Variants in ATP8B4 observed in about 807,000 individuals in gnomAD.
ATP8B4 encodes ATPase phospholipid transporting 8B4 (putative).
ATP8B4 carries 133 observed loss-of-function variants against 145.6 expected under a neutral mutation model. The observed-to-expected ratio is 0.91, with a 90% CI of 0.79 to 1.05. ATP8B4 has a LOEUF of 1.05. Among genes scored for constraint, ATP8B4 ranks in the 50% least tolerant of loss-of-function variants. The probability of loss-of-function intolerance (pLI) is 0.00; values close to 1 mark genes in which losing one functional copy is unlikely to be tolerated. For missense variants in ATP8B4, 1,458 were observed against 1,425.2 expected, an observed-to-expected ratio of 1.02 and a Z score of -0.37; for synonymous variants, 507 against 492.9, an observed-to-expected ratio of 1.03 and a Z score of -0.38.
intron 2 of ATP8B4, among the ~76,000 whole-genome samples, chr15:50,101,196 G>C (rs1273202052): frequency 6.6e-6 from 1 of 152,084 alleles, no homozygotes. Flanking sequence ...GTGAAAAATG[G>C]GATATATGCC....
At chr15:50,045,336 A>G (rs982409603) in intron 4 of ATP8B4, among the ~76,000 whole-genome samples, 10 of 152,200 alleles carry the variant, frequency 6.6e-5, no homozygotes, top group Admixed American at 1.3e-4. Context: ...GGCCAAGATC[A>G]CATACTGTTA....
chr15:49,876,691 A>C, intron 24 of ATP8B4, 168 bp from the exon 25 acceptor site: 1 of 965,104 alleles, frequency 1.0e-6, no homozygotes, highest in South Asian at 1.4e-5. Context: ...AATAAACCAG[A>C]AGATAATAAA....
intron 1 of ATP8B4, among the ~76,000 whole-genome samples, chr15:50,164,584 G>A (rs2044568408): frequency 6.6e-6 from 1 of 152,162 alleles, no homozygotes; most frequent in Admixed American, 6.5e-5. Flanking sequence ...GATGAAGCAA[G>A]TACTCCCTTG....
rs201900434 is a variant in ATP8B4 at position 49,862,254 on chromosome 15, C to T, written c.3288G>A (p.Leu1096=). ...RFLKVDLYPT[L]SDQIRRWQKA... ...CAGCACTGTGACATACCTGATCACTCAGGGTTGGGTATAAATCCACCTTCA... is the reference window on the plus strand; with the variant it reads ...CAGCACTGTGACATACCTGATCACTTAGGGTTGGGTATAAATCCACCTTCA... The change falls in exon 27 of 28, where the codon CTG becomes CTA. Residue 1096 remains leucine, a synonymous_variant. Coordinates refer to ENST00000284509, the MANE Select transcript of ATP8B4 (RefSeq NM_024837.4). The T allele has an allele frequency of 1.2e-5, 19 of 1,613,330 alleles. No homozygotes were observed. The highest frequency in any genetic ancestry group is 1.6e-5 in the Non-Finnish European group (19 of 1,179,512).
At chr15:50,140,349 G>A (rs8029368) in intron 1 of ATP8B4, among the ~76,000 whole-genome samples, 150,457 of 152,286 alleles carry the variant, frequency 0.99, 74,347 homozygotes, top group East Asian at 1. Context: ...TGACTCTTCC[G>A]AGACTGGCCT....
intron 13 of ATP8B4, among the ~76,000 whole-genome samples, chr15:49,966,971 G>T (rs2044609005): frequency 6.6e-6 from 1 of 152,040 alleles, no homozygotes; most frequent in South Asian, 2.1e-4. Flanking sequence ...TGATACTCAG[G>T]CAAACAGGGT....
intron 16 of ATP8B4, among the ~76,000 whole-genome samples, chr15:49,924,926 G>C (rs560532622): frequency 1.3e-5 from 2 of 152,240 alleles, no homozygotes; most frequent in South Asian, 4.1e-4. Context: ...TAATCCAATT[G>C]AATAATTTCC....
At chr15:49,936,864 G>C (rs1427282198) in intron 14 of ATP8B4, among the ~76,000 whole-genome samples, 1 of 151,338 alleles carries the variant, frequency 6.6e-6, no homozygotes, top group African/African-American at 2.4e-5. Context: ...CTACTTTCTG[G>C]GAGAGTCTCT....
intron 1 of ATP8B4, among the ~76,000 whole-genome samples, chr15:50,167,386 G>A (rs2044610985): frequency 1.3e-5 from 2 of 152,054 alleles, no homozygotes; most frequent in Non-Finnish European, 2.9e-5. Context: ...TTTAGTGCCT[G>A]CTAGCAACTT....
chr15:49,861,312 A>T (rs962349654), intron 27 of ATP8B4, among the ~76,000 whole-genome samples: 15 of 152,036 alleles, frequency 9.9e-5, no homozygotes, highest in Admixed American at 9.8e-4. Context: ...AAGAGAGAGG[A>T]CAGATATGAC....
At chr15:49,889,624 AC>A (rs1170007236) in intron 23 of ATP8B4, among the ~76,000 whole-genome samples, 3 of 152,184 alleles carry the variant, frequency 2.0e-5, no homozygotes, top group African/African-American at 7.2e-5. Context: ...AGCCTTGCAC[AC>A]CACAGCTGGA....
intron 23 of ATP8B4, 154 bp downstream of exon 23, chr15:49,897,138 C>A (rs1438831379): frequency 1.5e-6 from 1 of 680,052 alleles, no homozygotes; most frequent in Non-Finnish European, 2.4e-6. Flanking sequence ...AAGCTCAAGT[C>A]AACTATCAAT....
At chr15:50,087,866 T>C (rs1003621565) in intron 2 of ATP8B4, among the ~76,000 whole-genome samples, 7 of 152,106 alleles carry the variant, frequency 4.6e-5, no homozygotes, top group Non-Finnish European at 8.8e-5. Flanking sequence ...ATAATTGTTA[T>C]ATGAGAGGCA....
chr15:49,997,348 G>C (rs1056061682), intron 8 of ATP8B4, among the ~76,000 whole-genome samples: 14 of 152,056 alleles, frequency 9.2e-5, no homozygotes, highest in Admixed American at 2.6e-4. Flanking sequence ...TGGACAGATG[G>C]CTCTCTGATA....
chr15:49,886,090 A>T (rs2036151347), intron 23 of ATP8B4, among the ~76,000 whole-genome samples: 1 of 152,160 alleles, frequency 6.6e-6, no homozygotes, highest in Admixed American at 6.5e-5. Context: ...AATTATTTAT[A>T]TGCTGGTTCC....
intron 5 of ATP8B4, 91 bp downstream of exon 5, chr15:50,044,503 A>C: frequency 1.1e-6 from 1 of 885,160 alleles, no homozygotes. Flanking sequence ...AAATAACTTC[A>C]TTCAAAATTT....
At chr15:50,111,190 A>G (rs1300022190) in intron 1 of ATP8B4, among the ~76,000 whole-genome samples, 1 of 152,204 alleles carries the variant, frequency 6.6e-6, no homozygotes, top group Non-Finnish European at 1.5e-5. Context: ...GCAAAGAATT[A>G]AAATGGAGAG....
chr15:50,134,266 A>T (rs1172863620), intron 1 of ATP8B4, among the ~76,000 whole-genome samples: 1 of 152,230 alleles, frequency 6.6e-6, no homozygotes, highest in African/African-American at 2.4e-5. Flanking sequence ...GAAGAAATAA[A>T]ACATAATGTA....
intron 20 of ATP8B4, among the ~76,000 whole-genome samples, chr15:49,904,716 G>A (rs898231755): frequency 3.9e-5 from 6 of 152,100 alleles, no homozygotes; most frequent in Admixed American, 3.9e-4. Flanking sequence ...CTATATGCCT[G>A]TTCCTGAAGC....
Sources: gnomAD v4.1 joint callset for allele counts (sites outside exome capture counted in the v4.1 genomes callset) on GRCh38, gnomAD v4.1.1 for gene constraint, MANE v1.5 for transcripts, NCBI Gene and HGNC (gene_info 2026-07-23, HGNC 2026-07-21) for gene names.